HRH1: variants seen among roughly 807,000 people sequenced by gnomAD.
HRH1 encodes histamine receptor H1, also known as histamine H1 receptor.
In HRH1, 6 loss-of-function variants were observed where a neutral mutation model predicts 10.3. The ratio of observed to expected loss-of-function variants is 0.58; its 90% CI spans 0.32 to 1.15. The LOEUF is 1.15. HRH1 is among the 50% of genes most tolerant of loss of function. The pLI, the probability that HRH1 is intolerant of heterozygous loss-of-function variation, is 0.05. For missense variants in HRH1, 514 were observed against 615.3 expected, an observed-to-expected ratio of 0.84 and a Z score of 1.74; for synonymous variants, 242 against 236.7, an observed-to-expected ratio of 1.02 and a Z score of -0.21.
chr3:11,223,053 C>T (rs921056087), intron 1 of HRH1, among the ~76,000 whole-genome samples: 18 of 151,672 alleles, frequency 1.2e-4, no homozygotes, highest in African/African-American at 3.9e-4. Context: ...GGCATGGTGG[C>T]GCGTGCCTGT....
chr3:11,189,988 A>T (rs1295806762), intron 1 of HRH1, among the ~76,000 whole-genome samples: 1 of 152,092 alleles, frequency 6.6e-6, no homozygotes, highest in Non-Finnish European at 1.5e-5. Flanking sequence ...CGAGTGTGGT[A>T]AAAATGCAGG....
intron 1 of HRH1, among the ~76,000 whole-genome samples, chr3:11,205,119 C>T (rs1038030609): frequency 2.6e-5 from 4 of 152,196 alleles, no homozygotes; most frequent in African/African-American, 7.2e-5. Context: ...CTCATCAGCG[C>T]GGCTGTTCTT....
intron 1 of HRH1, among the ~76,000 whole-genome samples, chr3:11,237,961 C>T (rs1315776108): frequency 6.6e-6 from 1 of 152,164 alleles, no homozygotes; most frequent in Non-Finnish European, 1.5e-5. Context: ...TAGGCGTGAG[C>T]CACTGCGCCC....
At chr3:11,169,255 G>A (rs74959095) in intron 1 of HRH1, among the ~76,000 whole-genome samples, 3,797 of 152,206 alleles carry the variant, frequency 0.025, 140 homozygotes, top group East Asian at 0.081. Flanking sequence ...CGGATGTAGC[G>A]TCAGACAGAA....
chr3:11,160,857 G>C (rs1237881214), intron 1 of HRH1, among the ~76,000 whole-genome samples: 3 of 152,198 alleles, frequency 2.0e-5, no homozygotes, highest in Non-Finnish European at 4.4e-5. Flanking sequence ...AAAAAACAGA[G>C]GGCACATCCC....
intron 1 of HRH1, among the ~76,000 whole-genome samples, chr3:11,144,757 A>T (rs1936393993): frequency 6.6e-6 from 1 of 151,948 alleles, no homozygotes; most frequent in South Asian, 2.1e-4. Context: ...AACCACGACA[A>T]CACTTATAAA....
rs564920201 is a variant in HRH1 at position 11,257,689 on chromosome 3, G to C, written c.-35-1314G>C. Among the ~76,000 whole-genome samples the C allele has an allele frequency of 1.3e-4, 20 of 151,534 alleles. No homozygotes were observed. In the South Asian group the frequency reaches 3.7e-3, roughly 28 times the overall value. On this transcript the variant is annotated intron_variant, in intron 1 of 1. Transcript: ENST00000431010. ...TTTCAGTAGAGCCTTAGTAGCAAAG[G>C]GTTTTCATTTTTATTTTTCAGATAC... is the stretch of plus-strand genomic sequence containing the variant.
upstream of HRH1, among the ~76,000 whole-genome samples, chr3:11,153,561 G>A (rs1936700576): frequency 6.6e-6 from 1 of 151,238 alleles, no homozygotes; most frequent in Admixed American, 6.6e-5. Flanking sequence ...GTGAGCTTAG[G>A]TGGTCCCTTC....
At position 11,259,953 on chromosome 3, in the gene HRH1, G is replaced by C. The variant is rs1318397548; in HGVS notation, c.916G>C (p.Asp306His). 1 of 1,614,074 alleles carries C rather than the reference G, an allele frequency of 6.2e-7. No individual in the cohort carries two copies. Residue 306 changes from aspartate (D) to histidine (H), a missense_variant, in exon 2 of 2, where the codon GAT becomes CAT. Coordinates refer to ENST00000431010, the MANE Select transcript of HRH1 (RefSeq NM_001098212.2). The surrounding 1 kb of genome is among the most constrained non-coding windows in gnomAD (Gnocchi z 4.6). ...EVDKLYCFPL[D>H]IVHMQAAAEG... ...AGACAAACTCTACTGCTTTCCACTTGATATTGTGCACATGCAGGCTGCGGC... is the reference window on the plus strand; with the variant it reads ...AGACAAACTCTACTGCTTTCCACTTCATATTGTGCACATGCAGGCTGCGGC...
At position 11,260,704 on chromosome 3, in the gene HRH1, A is replaced by T. The variant is rs748145095; in HGVS notation, c.*203A>T. ...TGATCAGCAGAGAGATTGAACTTTG[A>T]GGAGGAAGCAGAATCTTTGCAAGAA... is the stretch of plus-strand genomic sequence containing the variant. On this transcript the variant is annotated 3_prime_UTR_variant, in exon 2 of 2. Coordinates refer to ENST00000431010, the MANE Select transcript of HRH1 (RefSeq NM_001098212.2). 7.7e-6 allele frequency: 4 copies of T among 522,180 alleles called. No homozygotes were observed. The Admixed American group carries it at 1.5e-4, about 19-fold the overall frequency. The allele number at this position is 522,180 out of a possible 1,614,324, so 32.3% of individuals were successfully genotyped here.
chr3:11,138,520 C>T (rs936828336), intron 1 of HRH1, among the ~76,000 whole-genome samples: 14 of 152,040 alleles, frequency 9.2e-5, no homozygotes, highest in Non-Finnish European at 5.9e-5. Flanking sequence ...ACATTGGAGC[C>T]CTCAAACATT....
chr3:11,139,318 T>C (rs1936248106), intron 1 of HRH1, among the ~76,000 whole-genome samples: 1 of 151,548 alleles, frequency 6.6e-6, no homozygotes. Context: ...CTTGCTCTGT[T>C]ACCCAGGCTG....
rs1021975044 is a variant in HRH1, at chr3:11,261,871, T to C, written c.*1370T>C. On this transcript the variant is annotated 3_prime_UTR_variant, in exon 2 of 2. Transcript: ENST00000431010. ...AATACAATATTTTAACAATGTGCCC[T>C]CTTAAGTGTGCACAGATACACATAC... The C allele has an allele frequency of 6.0e-6, 1 of 167,050 alleles. No homozygotes were observed. Among genetic ancestry groups the C allele is most frequent in the African/African-American group, 2.4e-5 (1 of 41,518 alleles). 10.3% of individuals were successfully genotyped at this position (167,050 alleles called of 1,614,324 possible). A position where few individuals can be genotyped will look rare whatever the true frequency, so the allele number is the denominator to read the frequency against.
chr3:11,177,759 A>T (rs548600864), intron 1 of HRH1, among the ~76,000 whole-genome samples: 18 of 152,328 alleles, frequency 1.2e-4, no homozygotes, highest in Non-Finnish European at 2.6e-4. Flanking sequence ...GTTTGATGGA[A>T]TGAATTCACT....
At chr3:11,232,857 G>C (rs1465936111) in intron 1 of HRH1, among the ~76,000 whole-genome samples, 2 of 152,164 alleles carry the variant, frequency 1.3e-5, no homozygotes, top group Non-Finnish European at 2.9e-5. Flanking sequence ...AGAATGTGTT[G>C]ATTTCCCTTT....
chr3:11,258,719 A>C (rs948293815), intron 1 of HRH1, among the ~76,000 whole-genome samples: 14 of 152,216 alleles, frequency 9.2e-5, no homozygotes, highest in Non-Finnish European at 1.5e-4. Context: ...GCTTCTGCCC[A>C]ACTCTCTCAC....
intron 1 of HRH1, among the ~76,000 whole-genome samples, chr3:11,175,627 T>C (rs1937234196): frequency 6.6e-6 from 1 of 152,196 alleles, no homozygotes; most frequent in South Asian, 2.1e-4. Flanking sequence ...TGTAATAAAA[T>C]AAAATAATAA....
intron 1 of HRH1, among the ~76,000 whole-genome samples, chr3:11,232,133 G>A (rs1348410980): frequency 1.3e-5 from 2 of 151,906 alleles, no homozygotes; most frequent in African/African-American, 4.8e-5. Flanking sequence ...GAATACAGGT[G>A]CGTGCCACCG....
chr3:11,191,848 C>T (rs958315948), intron 1 of HRH1, among the ~76,000 whole-genome samples: 2 of 152,244 alleles, frequency 1.3e-5, no homozygotes, highest in African/African-American at 4.8e-5. Context: ...AATGCTATAG[C>T]AACCCTAGTC....
Sources: allele counts gnomAD v4.1 joint callset (sites outside exome capture counted in the v4.1 genomes callset), GRCh38; gene constraint gnomAD v4.1.1; non-coding constraint Gnocchi (gnomAD v3.1); transcripts MANE v1.5; gene names NCBI Gene and HGNC (gene_info 2026-07-23, HGNC 2026-07-21).